RANGAP1: variants seen among roughly 807,000 people sequenced by gnomAD.
RANGAP1 encodes Ran GTPase activating protein 1.
In RANGAP1, 38 loss-of-function variants were observed where a neutral mutation model predicts 63.5. That is an observed-to-expected ratio of 0.60 (90% CI 0.46 to 0.78). RANGAP1 has a LOEUF of 0.78. RANGAP1 is among the 30% of genes least tolerant of loss of function. The pLI, the probability that RANGAP1 is intolerant of heterozygous loss-of-function variation, is 0.00. For missense variants in RANGAP1, 630 were observed against 740.3 expected (o/e 0.85, Z 1.73); for synonymous variants, 329 against 310.5 (o/e 1.06, Z -0.63).
intron 3 of RANGAP1, among the ~76,000 whole-genome samples, chr22:41,271,539 CA>C (rs1238103136): frequency 6.6e-6 from 1 of 151,872 alleles, no homozygotes; most frequent in African/African-American, 2.4e-5. Context: ...ACTAAAAATA[CA>C]AAAAATTAGC....
intron 3 of RANGAP1, among the ~76,000 whole-genome samples, chr22:41,270,834 C>T (rs2034769089): frequency 6.6e-6 from 1 of 152,230 alleles, no homozygotes; most frequent in Non-Finnish European, 1.5e-5. Flanking sequence ...CACGTGGGTC[C>T]ACAGGGCCAG....
intron 3 of RANGAP1, among the ~76,000 whole-genome samples, chr22:41,271,198 T>C (rs1304543750): frequency 2.0e-5 from 3 of 149,384 alleles, no homozygotes; most frequent in Non-Finnish European, 3.0e-5. Flanking sequence ...AAGATCAGAC[T>C]GGGCAACAAA....
chr22:41,261,504 A>G lies in RANGAP1; in HGVS notation c.557T>C (p.Val186Ala). The change falls in exon 6 of 16, where the codon GTG becomes GCG. Residue 186 changes from valine to alanine, a missense_variant. Val to Ala is a moderately conservative substitution (Grantham distance 64). Coordinates refer to ENST00000356244, the MANE Select transcript of RANGAP1 (RefSeq NM_002883.4). ...QGKPLALKVFVAGRNRLENDG... is the reference protein window; with the variant it reads ...QGKPLALKVFAAGRNRLENDG... ...ATTCTCCAGACGGTTTCTGCCAGCC[A>G]CAAAGACCTTCAGGGCCAGAGGCTT... 6.2e-7 allele frequency: 1 copy of G among 1,614,266 alleles called. No individual in the cohort carries two copies. The highest frequency in any genetic ancestry group is 8.5e-7 in the Non-Finnish European group (1 of 1,180,042).
chr22:41,249,669 C>A, intron 14 of RANGAP1, 60 bp downstream of exon 14: 1 of 1,564,186 alleles, frequency 6.4e-7, no homozygotes, highest in African/African-American at 1.4e-5. Flanking sequence ...ATGGCTGGGG[C>A]AGCTTCTGTG....
rs1569165547 is a variant in RANGAP1 at position 41,246,609 on chromosome 22, CTT to C, written c.1756_1757del (p.Lys586GlyfsTer15). 2 of 1,573,942 alleles carry C rather than the reference CTT, an allele frequency of 1.3e-6. No homozygotes were observed. Among genetic ancestry groups the C allele is most frequent in the Non-Finnish European group, 1.7e-6 (2 of 1,157,720 alleles). Reference protein sequence around the residue: ...ARHSLLQTLYKV With the variant: ...ARHSLLQTLYXV ...GATGGGAGAGGCTTTGAGTCTAGAC[CTT>C]GTACAGCGTCTGCAGCAGACTGTGG... On this transcript the variant is annotated frameshift_variant, in exon 16 of 16. Coordinates refer to ENST00000356244, the MANE Select transcript of RANGAP1 (RefSeq NM_002883.4). LOFTEE classifies it high-confidence loss of function.
the RANGAP1 span, among the ~76,000 whole-genome samples, chr22:41,294,042 CTCTCCCTCTCCCCACGG>C: frequency 4.6e-5 from 7 of 151,662 alleles, no homozygotes; most frequent in Admixed American, 6.6e-5. Context: ...CTCCTTCTCC[CTCTCCCTCTCCCCACGG>C]TCTCCCTCTC....
the RANGAP1 span, among the ~76,000 whole-genome samples, chr22:41,292,985 C>G: frequency 6.6e-6 from 1 of 151,752 alleles, no homozygotes; most frequent in Non-Finnish European, 1.5e-5. Context: ...CCTGTAATCC[C>G]AGCACTTTGG....
At position 41,254,229 on chromosome 22, in the gene RANGAP1, C is replaced by T. The variant is rs553840554; in HGVS notation, c.1260+79G>A. On this transcript the variant is annotated intron_variant, in intron 11 of 15. Transcript: ENST00000356244. ...GCTACTGTGCTTAAGGAGACACCCCCTACCCCATTGTGAAAGTGCCTCGGG... is the reference window on the plus strand; with the variant it reads ...GCTACTGTGCTTAAGGAGACACCCCTTACCCCATTGTGAAAGTGCCTCGGG... The T allele has an allele frequency of 1.0e-4, 161 of 1,536,384 alleles. No individual in the cohort carries two copies. The African/African-American group carries it at 2.0e-3, about 19-fold the overall frequency.
At chr22:41,265,791 GAGACTTTCTGCCCTCACCCTGGCCAC>G (rs1252855976) in intron 4 of RANGAP1, among the ~76,000 whole-genome samples, 2 of 152,148 alleles carry the variant, frequency 1.3e-5, no homozygotes, top group African/African-American at 2.4e-5. Context: ...ATGTGGAAGG[GAGACTTTCTGCCCTCACCCTGGCCAC>G]AGATATGGCA....
rs2033037764 is a variant in RANGAP1 at position 41,246,486 on chromosome 22, CCCGCCCTGCCT to C, written c.*106_*116del. 1 of 1,163,088 alleles carries C rather than the reference CCCGCCCTGCCT, an allele frequency of 8.6e-7. No individual in the cohort carries two copies. The highest frequency in any genetic ancestry group is 1.2e-6 in the Non-Finnish European group (1 of 815,316). 72.0% of individuals were successfully genotyped at this position (1,163,088 alleles called of 1,614,324 possible). ...ACTGACAGGACACATGGGACACAGA[CCCGCCCTGCCT>C]GTGGCCAGAGTCCTGTCCAAGGCAA... On this transcript the variant is annotated 3_prime_UTR_variant, in exon 16 of 16. Transcript: ENST00000356244.
intron 4 of RANGAP1, among the ~76,000 whole-genome samples, chr22:41,266,580 T>C (rs911011595): frequency 8.5e-5 from 13 of 152,132 alleles, no homozygotes; most frequent in African/African-American, 3.1e-4. Flanking sequence ...TCACCCAAGG[T>C]TGCAATGCAA....
At chr22:41,293,534 C>T in the RANGAP1 span, among the ~76,000 whole-genome samples, 1 of 151,880 alleles carries the variant, frequency 6.6e-6, no homozygotes, top group Non-Finnish European at 1.5e-5. Flanking sequence ...AATCCCAGCA[C>T]TTTGGGAGGC....
At position 41,256,037 on chromosome 22, in the gene RANGAP1, C is replaced by A; in HGVS notation, c.1057G>T (p.Val353Leu). The A allele has an allele frequency of 6.2e-7, 1 of 1,613,856 alleles. No homozygotes were observed. Among genetic ancestry groups the A allele is most frequent in the Non-Finnish European group, 8.5e-7 (1 of 1,180,036 alleles). The change falls in exon 10 of 16, where the codon GTG (valine) becomes TTG (leucine). Residue 353 changes from valine (V) to leucine (L), a missense_variant. By Grantham distance (32) the Val-to-Leu change is conservative (BLOSUM62 1). Around this residue, in one of 3 missense-constraint regions of RANGAP1, gnomAD observed 428 missense variants for 465.5 expected, o/e 0.92. Coordinates refer to ENST00000356244, the MANE Select transcript of RANGAP1 (RefSeq NM_002883.4). ...EVLEGFNMAKVLASLSDDEDE... is the reference protein window; with the variant it reads ...EVLEGFNMAKLLASLSDDEDE... ...GTTCCCTACCTGAGGGACGCCAGCACCTTGGCCATGTTGAAGCCCTCCAGC... is the reference window on the plus strand; with the variant it reads ...GTTCCCTACCTGAGGGACGCCAGCAACTTGGCCATGTTGAAGCCCTCCAGC...
intron 6 of RANGAP1, among the ~76,000 whole-genome samples, chr22:41,261,018 C>G (rs891611316): frequency 6.6e-6 from 1 of 152,142 alleles, no homozygotes; most frequent in African/African-American, 2.4e-5. Flanking sequence ...CGTCATTTGG[C>G]ACCTGAGCCC....
upstream of RANGAP1, among the ~76,000 whole-genome samples, chr22:41,291,030 G>T (rs912366436): frequency 6.6e-6 from 1 of 152,158 alleles, no homozygotes; most frequent in Non-Finnish European, 1.5e-5. Flanking sequence ...AAGGACAGTC[G>T]AACCACATCT....
intron 4 of RANGAP1, 131 bp from the exon 5 acceptor site, chr22:41,264,974 C>G: frequency 2.3e-6 from 2 of 868,372 alleles, no homozygotes; most frequent in Non-Finnish European, 3.5e-6. Flanking sequence ...AGACACAAAC[C>G]ATTTCAGTAT....
intron 6 of RANGAP1, 124 bp from the exon 7 acceptor site, chr22:41,258,230 CTG>C: frequency 8.9e-7 from 1 of 1,123,358 alleles, no homozygotes; most frequent in Non-Finnish European, 1.2e-6. Flanking sequence ...AGGGGCCTGT[CTG>C]TGGGATTTTG....
Position 41,280,634 on chromosome 22 carries a change from G to C in RANGAP1, c.112+299C>G, listed in dbSNP as rs1456342045. On this transcript the variant is annotated intron_variant, in intron 2 of 15. Transcript: ENST00000356244. ...AACACCGGATATTAAGTCAGAGTCAGAGGCTGTATCTTGGGACTGGCACTA... is the reference window on the plus strand; with the variant it reads ...AACACCGGATATTAAGTCAGAGTCACAGGCTGTATCTTGGGACTGGCACTA... 6.9e-6 allele frequency: 9 copies of C among 1,297,628 alleles called. No individual in the cohort carries two copies. The African/African-American group carries it at 1.3e-4, about 19-fold the overall frequency. The allele number at this position is 1,297,628 out of a possible 1,614,324, so 80.4% of individuals were successfully genotyped here.
chr22:41,274,663 G>A lies in RANGAP1; in HGVS notation c.177C>T (p.Asn59=). The change falls in exon 3 of 16, where the codon AAC becomes AAT. Residue 59 remains asparagine (N), a synonymous_variant. Transcript: ENST00000356244. ...DSLEALRLEG[N]TVGVEAARVI... is the part of the protein sequence containing the mutation. ...CCCTGGCTGCTTCCACGCCCACTGT[G>A]TTGCCTTCCAGACGCAGAGCCTCCA... The A allele has an allele frequency of 6.2e-7, 1 of 1,614,180 alleles. No homozygotes were observed.
Sources: gnomAD v4.1 joint callset for allele counts (sites outside exome capture counted in the v4.1 genomes callset) on GRCh38, gnomAD v4.1.1 for gene constraint, gnomAD v4.1.1 regional missense constraint, MANE v1.5 for transcripts, NCBI Gene and HGNC (gene_info 2026-07-23, HGNC 2026-07-21) for gene names.